Variants in EXOSC5 observed in about 807,000 individuals in gnomAD.
EXOSC5 encodes the protein exosome component 5.
EXOSC5 carries 15 observed loss-of-function variants against 23.7 expected under a neutral mutation model. The ratio of observed to expected loss-of-function variants is 0.63; its 90% CI spans 0.42 to 0.97. EXOSC5 has a LOEUF of 0.97. EXOSC5 is among the 50% of genes least tolerant of loss of function. EXOSC5 has a pLI of 0.00. For missense variants in EXOSC5, 305 were observed against 316.3 expected (o/e 0.96, Z 0.27); for synonymous variants, 143 against 140.9 (o/e 1.02, Z -0.11).
chr19:41,386,752 G>C (rs1230039955), intron 5 of EXOSC5, 27 bp from the exon 6 acceptor site: 21 of 1,549,618 alleles, frequency 1.4e-5, no homozygotes, highest in Non-Finnish European at 1.8e-5. Context: ...GGTCGGTGCT[G>C]GGGGCCGAGC....
At chr19:41,389,466 T>C (rs1206597659) in intron 4 of EXOSC5, among the ~76,000 whole-genome samples, 1 of 152,024 alleles carries the variant, frequency 6.6e-6, no homozygotes, top group East Asian at 1.9e-4. Flanking sequence ...GGTTTCTCCA[T>C]GTTGGTCAGA....
intron 3 of EXOSC5, among the ~76,000 whole-genome samples, chr19:41,390,364 G>A (rs948865896): frequency 6.6e-5 from 10 of 152,188 alleles, no homozygotes; most frequent in Non-Finnish European, 1.3e-4. Context: ...AAGTGGTCCG[G>A]GGATCAAGTA....
At chr19:41,387,884 C>A (rs556015152) in intron 4 of EXOSC5, among the ~76,000 whole-genome samples, 64 of 152,060 alleles carry the variant, frequency 4.2e-4, no homozygotes, top group Non-Finnish European at 7.9e-4. Flanking sequence ...CTGCTTGAGC[C>A]CAGGAGTTTG....
intron 1 of EXOSC5, among the ~76,000 whole-genome samples, chr19:41,396,213 AT>A (rs555938662): frequency 1.4e-3 from 207 of 145,028 alleles, no homozygotes; most frequent in Middle Eastern, 7.0e-3. Flanking sequence ...CGCTGTCTCA[AT>A]TTTTTTTTTT....
chr19:41,395,033 CAA>C (rs1180002454), intron 1 of EXOSC5, among the ~76,000 whole-genome samples: 5 of 74,782 alleles, frequency 6.7e-5, no homozygotes, highest in Admixed American at 1.5e-4. Context: ...GACTCCATCT[CAA>C]AAAAAAAAAA....
chr19:41,396,044 C>T (rs1238262084), intron 1 of EXOSC5, among the ~76,000 whole-genome samples: 1 of 152,102 alleles, frequency 6.6e-6, no homozygotes, highest in Non-Finnish European at 1.5e-5. Context: ...CCACCATCAC[C>T]TCCCTGTTTT....
At position 41,386,696 on chromosome 19, in the gene EXOSC5, G is replaced by A. The variant is rs1055082877; in HGVS notation, c.645C>T (p.Ala215=). The change falls in exon 6 of 6, where the codon GCC becomes GCT. Residue 215 remains alanine (A), a synonymous_variant. Transcript: ENST00000221233. ...AGAAACGGAAGACGTGTTGCGAAGC[G>A]GCCTGGGCCGCAGCCAGGCACTGCT... The part of the protein sequence containing the change: ...ELQQCLAAAQ[A]ASQHVFRFYR... 3.1e-6 allele frequency: 5 copies of A among 1,601,392 alleles called. No homozygotes were observed. The highest frequency in any genetic ancestry group is 2.2e-5 in the East Asian group (1 of 44,484).
Position 41,396,998 on chromosome 19 carries a change from C to A in EXOSC5, c.148+183G>T, listed in dbSNP as rs577223939. Among the ~76,000 whole-genome samples, 61 of 152,306 alleles carry A rather than the reference C, an allele frequency of 4.0e-4. 1 individual carries two copies. In the South Asian group the frequency reaches 4.8e-3, roughly 12 times the overall value. ...AGTTACAAAGATGGAACTATCTTCT[C>A]CTTTCTAGTCGTGAGGGAGAGATGT... is the stretch of plus-strand genomic sequence containing the variant. On this transcript the variant is annotated intron_variant, in intron 1 of 5. Transcript: ENST00000221233.
At chr19:41,396,249 G>A (rs1249017030) in intron 1 of EXOSC5, among the ~76,000 whole-genome samples, 7 of 151,096 alleles carry the variant, frequency 4.6e-5, no homozygotes, top group Admixed American at 4.6e-4. Context: ...TTGCTTTGTC[G>A]CTCACGCTGG....
intron 4 of EXOSC5, among the ~76,000 whole-genome samples, chr19:41,388,611 T>G (rs914239980): frequency 6.6e-6 from 1 of 152,220 alleles, no homozygotes; most frequent in African/African-American, 2.4e-5. Flanking sequence ...GCTTCCTTTT[T>G]CCTCCTCTAG....
Position 41,389,892 on chromosome 19 carries a change from C to T in EXOSC5, c.398G>A (p.Cys133Tyr). Residue 133 changes from cysteine to tyrosine, a missense_variant, in exon 4 of 6, where the codon TGT becomes TAT. Cys to Tyr is a radical substitution (Grantham distance 194, BLOSUM62 -2). Transcript: ENST00000221233. Reference sequence around the variant, plus strand: ...CAATGCCATGCAGGCGGCATTCAGACAACAGGCCAGGAGCTGAGCACCACA... The same window carrying T: ...CAATGCCATGCAGGCGGCATTCAGATAACAGGCCAGGAGCTGAGCACCACA... The part of the protein sequence containing the change: ...VSDAGSLLAC[C>Y]LNAACMALVD... 6.2e-7 allele frequency: 1 copy of T among 1,608,916 alleles called. No individual in the cohort carries two copies. The highest frequency in any genetic ancestry group is 8.5e-7 in the Non-Finnish European group (1 of 1,178,178).
At chr19:41,393,113 A>C (rs1278048349) in intron 1 of EXOSC5, 133 bp from the exon 2 acceptor site, 1 of 654,438 alleles carries the variant, frequency 1.5e-6, no homozygotes, top group East Asian at 2.7e-5. Flanking sequence ...TTGAGCACTC[A>C]CTTCATTTCT....
chr19:41,390,616 G>A (rs554596467), intron 3 of EXOSC5, among the ~76,000 whole-genome samples: 85 of 152,198 alleles, frequency 5.6e-4, no homozygotes, highest in Non-Finnish European at 7.1e-4. Flanking sequence ...GCCACTCCCC[G>A]GTGACAGAGC....
At chr19:41,388,115 T>C (rs1456280970) in intron 4 of EXOSC5, among the ~76,000 whole-genome samples, 1 of 152,220 alleles carries the variant, frequency 6.6e-6, no homozygotes, top group East Asian at 1.9e-4. Flanking sequence ...CTTCCCTGGG[T>C]ATAGCCCTCT....
chr19:41,389,655 G>A (rs1568496486), intron 4 of EXOSC5, 110 bp downstream of exon 4: 1 of 1,443,694 alleles, frequency 6.9e-7, no homozygotes, highest in Non-Finnish European at 9.3e-7. Context: ...CCCTTGCTAA[G>A]TGGGATTGAG....
intron 1 of EXOSC5, among the ~76,000 whole-genome samples, chr19:41,393,594 C>G (rs932146749): frequency 2.8e-5 from 4 of 142,018 alleles, no homozygotes; most frequent in East Asian, 2.1e-4. Context: ...GAGTCTTGCT[C>G]TGTCGCCCAG....
intron 3 of EXOSC5, among the ~76,000 whole-genome samples, chr19:41,390,202 G>A (rs2039013844): frequency 6.6e-6 from 1 of 152,184 alleles, no homozygotes; most frequent in East Asian, 1.9e-4. Context: ...CCAAAGTGCT[G>A]GGATTACAGG....
chr19:41,391,148 C>G (rs1266250203), intron 3 of EXOSC5, among the ~76,000 whole-genome samples: 1 of 152,064 alleles, frequency 6.6e-6, no homozygotes, highest in Non-Finnish European at 1.5e-5. Flanking sequence ...ACTGATCACT[C>G]GAGGTCAGGA....
chr19:41,388,528 C>T (rs577527555), intron 4 of EXOSC5, among the ~76,000 whole-genome samples: 18 of 152,194 alleles, frequency 1.2e-4, no homozygotes, highest in African/African-American at 3.9e-4. Context: ...GTCTCCAACA[C>T]GACAGAACAG....
Sources: allele counts gnomAD v4.1 joint callset (sites outside exome capture counted in the v4.1 genomes callset), GRCh38; gene constraint gnomAD v4.1.1; transcripts MANE v1.5; gene names NCBI Gene and HGNC (gene_info 2026-07-23, HGNC 2026-07-21).